PAX3: variants seen among roughly 807,000 people sequenced by gnomAD.
The protein encoded by PAX3 is paired box protein Pax-3.
A neutral mutation model predicts 51.6 loss-of-function variants in PAX3; 14 were observed. That is an observed-to-expected ratio of 0.27 (90% CI 0.18 to 0.42). The LOEUF (loss-of-function observed/expected upper bound fraction) is 0.42, where lower values mean the gene tolerates loss of function less well. Among genes scored for constraint, PAX3 ranks in the 10% least tolerant of loss-of-function variants. The pLI, the probability that PAX3 is intolerant of heterozygous loss-of-function variation, is 1.00. For synonymous variants in PAX3, 280 were observed against 253.4 expected, an observed-to-expected ratio of 1.11 and a Z score of -1.00; for missense variants, 540 against 642.8, an observed-to-expected ratio of 0.84 and a Z score of 1.73.
chr2:222,218,103 A>G (rs746238085), intron 7 of PAX3, among the ~76,000 whole-genome samples: 1 of 152,342 alleles, frequency 6.6e-6, no homozygotes, highest in Non-Finnish European at 1.5e-5. Context: ...GCAGAAATGC[A>G]AAATACCCTG....
intron 5 of PAX3, among the ~76,000 whole-genome samples, chr2:222,231,517 C>T (rs45587532): frequency 0.021 from 3,246 of 152,212 alleles, 108 homozygotes; most frequent in African/African-American, 0.075. Flanking sequence ...ATTATAAAAT[C>T]GTTAAATGAA....
chr2:222,294,768 A>AC (rs1242600060), intron 3 of PAX3, among the ~76,000 whole-genome samples: 4 of 30,694 alleles, frequency 1.3e-4, no homozygotes, highest in East Asian at 1.5e-3. Flanking sequence ...GCCCCCCCCC[A>AC]CCCCCCCGTA....
intron 5 of PAX3, among the ~76,000 whole-genome samples, chr2:222,227,788 A>C (rs1692442031): frequency 6.6e-6 from 1 of 152,116 alleles, no homozygotes; most frequent in Non-Finnish European, 1.5e-5. Flanking sequence ...TTAGTATACA[A>C]CAGTTCTTAC....
intron 7 of PAX3, among the ~76,000 whole-genome samples, chr2:222,203,357 T>C (rs1225940089): frequency 2.0e-5 from 3 of 151,810 alleles, no homozygotes; most frequent in Non-Finnish European, 2.9e-5. Flanking sequence ...GCAAAAGAAA[T>C]CTAACGCCAG....
chr2:222,232,859 C>G (rs1159044128), intron 4 of PAX3: 2 of 154,414 alleles, frequency 1.3e-5, no homozygotes, highest in Non-Finnish European at 2.9e-5. Context: ...TATTTATAGA[C>G]TACTGCTCTT....
intron 5 of PAX3, among the ~76,000 whole-genome samples, chr2:222,224,174 A>G (rs1027205199): frequency 6.6e-6 from 1 of 152,224 alleles, no homozygotes; most frequent in African/African-American, 2.4e-5. Context: ...GAGTTGGATT[A>G]AAAAGTCCTT....
intron 8 of PAX3, 102 bp from the exon 9 acceptor site, chr2:222,201,544 A>G (rs1363561863): frequency 4.4e-5 from 66 of 1,489,968 alleles, no homozygotes; most frequent in African/African-American, 6.9e-5. Flanking sequence ...ATACCGTGCT[A>G]TCAAAGGCTT....
intron 4 of PAX3, among the ~76,000 whole-genome samples, chr2:222,259,700 G>C (rs529573343): frequency 1.3e-5 from 2 of 152,200 alleles, no homozygotes; most frequent in East Asian, 3.9e-4. Context: ...TTTGCCTCAG[G>C]ATCAGAAATT....
chr2:222,232,030 G>T, intron 5 of PAX3, 48 bp downstream of exon 5: 2 of 1,550,866 alleles, frequency 1.3e-6, no homozygotes, highest in South Asian at 1.1e-5. Flanking sequence ...ATGCTTGTTT[G>T]TTTCCTGTCT....
At chr2:222,228,882 AG>A (rs1313499444) in intron 5 of PAX3, among the ~76,000 whole-genome samples, 1 of 152,192 alleles carries the variant, frequency 6.6e-6, no homozygotes, top group Non-Finnish European at 1.5e-5. Context: ...GAGGCTACAC[AG>A]TGAGCCATGA....
chr2:222,242,429 T>C (rs765662421), intron 4 of PAX3: 1 of 152,210 alleles, frequency 6.6e-6, no homozygotes, highest in Non-Finnish European at 1.5e-5. Flanking sequence ...GTCCTTGCTG[T>C]GCATTTTCTT....
chr2:222,204,018 A>G (rs1294985474), intron 7 of PAX3, among the ~76,000 whole-genome samples: 1 of 152,208 alleles, frequency 6.6e-6, no homozygotes. Context: ...CCACATTTTG[A>G]AAGACATCCC....
chr2:222,247,751 A>G (rs1693280562), intron 4 of PAX3, among the ~76,000 whole-genome samples: 3 of 152,138 alleles, frequency 2.0e-5, no homozygotes, highest in Middle Eastern at 3.2e-3. Context: ...AAATTAGTGG[A>G]ATGAGGTGGA....
chr2:222,215,343 C>A (rs1305946351), intron 7 of PAX3, among the ~76,000 whole-genome samples: 1 of 152,078 alleles, frequency 6.6e-6, no homozygotes, highest in Non-Finnish European at 1.5e-5. Flanking sequence ...GGTTGATGAA[C>A]CCTAAATGCA....
chr2:222,276,108 C>A (rs1296516792), intron 4 of PAX3, among the ~76,000 whole-genome samples: 3 of 152,196 alleles, frequency 2.0e-5, no homozygotes, highest in Admixed American at 1.3e-4. Flanking sequence ...AGGAAGAAAT[C>A]GTCCAGGCAT....
intron 4 of PAX3, among the ~76,000 whole-genome samples, chr2:222,259,950 A>G (rs1374850593): frequency 1.3e-5 from 2 of 152,132 alleles, no homozygotes; most frequent in African/African-American, 4.8e-5. Context: ...TGGCACAAAC[A>G]TGGCTCACTG....
At chr2:222,296,930 C>G (rs369668639) in intron 2 of PAX3, 48 bp downstream of exon 2, 132 of 1,478,482 alleles carry the variant, frequency 8.9e-5, no homozygotes, top group Non-Finnish European at 1.1e-4. Context: ...TTCCCCAACA[C>G]AGGGGACCAC....
chr2:222,255,085 C>T (rs1461880860), intron 4 of PAX3, among the ~76,000 whole-genome samples: 1 of 152,144 alleles, frequency 6.6e-6, no homozygotes, highest in Non-Finnish European at 1.5e-5. Context: ...ACCTGGCAAG[C>T]TTTACATTTT....
At chr2:222,204,963 A>T (rs181753028) in intron 7 of PAX3, among the ~76,000 whole-genome samples, 130 of 152,234 alleles carry the variant, frequency 8.5e-4, no homozygotes, top group East Asian at 5.2e-3. Context: ...TAAACTTTTT[A>T]AAAAAATCCC....
Sources: gnomAD v4.1 joint callset for allele counts (sites outside exome capture counted in the v4.1 genomes callset) on GRCh38, gnomAD v4.1.1 for gene constraint, MANE v1.5 for transcripts, NCBI Gene and HGNC (gene_info 2026-07-23, HGNC 2026-07-21) for gene names.